Variants in OR51C1 observed in about 807,000 individuals in gnomAD.
OR51C1 encodes olfactory receptor OR51C1.
chr11:4,696,748 C>T, the OR51C1 span, among the ~76,000 whole-genome samples: 3,106 of 152,194 alleles, frequency 0.02, 94 homozygotes, highest in African/African-American at 0.066. Flanking sequence ...AATTTTTCTG[C>T]CCACTCGGAT....
chr11:4,694,047 G>A, the OR51C1 span, among the ~76,000 whole-genome samples: 1 of 152,140 alleles, frequency 6.6e-6, no homozygotes, highest in South Asian at 2.1e-4. Context: ...CAATATCTGA[G>A]TTGTAATTTT....
the OR51C1 span, among the ~76,000 whole-genome samples, chr11:4,695,264 T>C: frequency 1.3e-5 from 2 of 152,214 alleles, no homozygotes; most frequent in Non-Finnish European, 2.9e-5. Context: ...CCATCTCTTC[T>C]CATTTAATGC....
At chr11:4,696,282 C>T in the OR51C1 span, among the ~76,000 whole-genome samples, 1 of 152,258 alleles carries the variant, frequency 6.6e-6, no homozygotes, top group East Asian at 1.9e-4. Flanking sequence ...AAACCTGGCT[C>T]TTCCTCCTGC....
the OR51C1 span, chr11:4,691,067 G>C: frequency 2.2e-6 from 1 of 456,744 alleles, no homozygotes; most frequent in East Asian, 6.9e-5. Flanking sequence ...TGAGAAGTAA[G>C]TCTACACCAA....
chr11:4,691,999 A>T, the OR51C1 span, among the ~76,000 whole-genome samples: 1 of 152,232 alleles, frequency 6.6e-6, no homozygotes, highest in Non-Finnish European at 1.5e-5. Context: ...CTAGCCATAG[A>T]TAACCAAACT....
At chr11:4,692,246 C>G in the OR51C1 span, 4 of 403,182 alleles carry the variant, frequency 9.9e-6, no homozygotes, top group Non-Finnish European at 2.0e-5. Flanking sequence ...TACAAAGTAA[C>G]ACATAGGAAG....
At chr11:4,697,742 A>T in the OR51C1 span, 1 of 152,790 alleles carries the variant, frequency 6.5e-6, no homozygotes, top group African/African-American at 2.4e-5. Flanking sequence ...CGAGCTTGCA[A>T]ATATGAGGAG....
the OR51C1 span, among the ~76,000 whole-genome samples, chr11:4,694,236 A>G: frequency 6.6e-6 from 1 of 152,024 alleles, no homozygotes; most frequent in Non-Finnish European, 1.5e-5. Context: ...AAGAGATCAT[A>G]AACAAAACAA....
At chr11:4,697,146 C>T in the OR51C1 span, among the ~76,000 whole-genome samples, 3 of 152,144 alleles carry the variant, frequency 2.0e-5, no homozygotes, top group African/African-American at 7.2e-5. Flanking sequence ...TTTGAAATCA[C>T]ATACAACTGG....
chr11:4,694,553 C>T, the OR51C1 span, among the ~76,000 whole-genome samples: 204 of 107,000 alleles, frequency 1.9e-3, no homozygotes, highest in African/African-American at 6.8e-3. Context: ...TATATATATA[C>T]ACACACACAT....
the OR51C1 span, among the ~76,000 whole-genome samples, chr11:4,693,710 A>C: frequency 1.2e-4 from 19 of 152,162 alleles, no homozygotes; most frequent in Non-Finnish European, 2.6e-4. Flanking sequence ...CGACAGAGCG[A>C]GACTCCGTTT....
At chr11:4,693,361 G>C in the OR51C1 span, among the ~76,000 whole-genome samples, 1 of 152,208 alleles carries the variant, frequency 6.6e-6, no homozygotes, top group African/African-American at 2.4e-5. Context: ...AGCAGTGCTT[G>C]AAAGATTTCT....
chr11:4,692,982 TA>T, the OR51C1 span, among the ~76,000 whole-genome samples: 1 of 152,308 alleles, frequency 6.6e-6, no homozygotes, highest in South Asian at 2.1e-4. Context: ...AAATTTACAG[TA>T]ATGACAGTGT....
chr11:4,693,259 T>C, the OR51C1 span, among the ~76,000 whole-genome samples: 1 of 152,156 alleles, frequency 6.6e-6, no homozygotes, highest in Admixed American at 6.5e-5. Flanking sequence ...TAAGATAAAA[T>C]GATTTTGAAA....
chr11:4,693,603 T>C, the OR51C1 span, among the ~76,000 whole-genome samples: 6 of 151,972 alleles, frequency 3.9e-5, no homozygotes, highest in East Asian at 1.9e-4. Context: ...CGCCTGTAGT[T>C]CCAGCTACTG....
chr11:4,692,110 T>A, the OR51C1 span: 1 of 443,702 alleles, frequency 2.3e-6, no homozygotes, highest in African/African-American at 2.0e-5. Context: ...CCTCTATGGT[T>A]GGCACCAGAG....
the OR51C1 span, chr11:4,691,073 A>G: frequency 2.2e-4 from 101 of 456,696 alleles, no homozygotes; most frequent in Non-Finnish European, 3.2e-4. Flanking sequence ...GTAAGTCTAC[A>G]CCAACAGTAG....
the OR51C1 span, chr11:4,692,201 G>A: frequency 2.2e-6 from 1 of 449,032 alleles, no homozygotes; most frequent in South Asian, 1.6e-5. Context: ...GACAATTTGG[G>A]AAGCCAGAAA....
chr11:4,691,032 A>G, the OR51C1 span: 1 of 456,514 alleles, frequency 2.2e-6, no homozygotes, highest in African/African-American at 2.0e-5. Context: ...GACAGTCCTA[A>G]TGATCAAAAC....
Sources: gnomAD v4.1 joint callset for allele counts (sites outside exome capture counted in the v4.1 genomes callset) on GRCh38, gnomAD v4.1.1 for gene constraint, MANE v1.5 for transcripts, NCBI Gene and HGNC (gene_info 2026-07-23, HGNC 2026-07-21) for gene names.